The following RPL28 variants were observed in gnomAD, a reference collection of about 807,000 sequenced individuals.
RPL28 encodes the protein ribosomal protein L28.
Under a neutral mutation model 12.5 loss-of-function variants are expected in RPL28, and 4 were observed. The ratio of observed to expected loss-of-function variants is 0.32; its 90% CI spans 0.16 to 0.73. The LOEUF (loss-of-function observed/expected upper bound fraction) is 0.73, where lower values mean the gene tolerates loss of function less well. Ranked by LOEUF, RPL28 falls within the 30% of genes least tolerant of loss-of-function variation. The pLI, the probability that RPL28 is intolerant of heterozygous loss-of-function variation, is 0.66. For synonymous variants in RPL28, 91 were observed against 72.5 expected, an observed-to-expected ratio of 1.26 and a Z score of -1.30; for missense variants, 214 against 197.7, an observed-to-expected ratio of 1.08 and a Z score of -0.49.
At chr19:55,399,797 T>TA (rs1280364094) in intron 4 of RPL28, 1 of 152,228 alleles carries the variant, frequency 6.6e-6, no homozygotes, top group African/African-American at 2.4e-5. Context: ...TTCAGTGGGT[T>TA]CCGAGGCCCA....
chr19:55,401,819 C>T (rs1169365206), intron 4 of RPL28: 2 of 1,592,354 alleles, frequency 1.3e-6, no homozygotes, highest in South Asian at 1.1e-5. Context: ...GACCCCCAGG[C>T]CTCCACAAGA....
In RPL28 at chr19:55,389,409, G is replaced by A. The variant is rs1027942545; in HGVS notation, c.*1077G>A. 1 of 985,346 alleles carries A rather than the reference G, an allele frequency of 1.0e-6. No homozygotes were observed. Among genetic ancestry groups the A allele is most frequent in the Non-Finnish European group, 1.2e-6 (1 of 829,932 alleles). 61.0% of individuals were successfully genotyped at this position (985,346 alleles called of 1,614,324 possible). A position where few individuals can be genotyped will look rare whatever the true frequency, so the allele number is the denominator to read the frequency against. On this transcript the variant is annotated 3_prime_UTR_variant, in exon 5 of 5. Coordinates refer to ENST00000344063, the MANE Select transcript of RPL28 (RefSeq NM_000991.5). ...CTGTTGATCCTCACATGTTTCCTGG[G>A]CACCTAACTCTGTCAGCCACTGCCA...
intron 3 of RPL28, chr19:55,387,343 C>G: frequency 6.4e-7 from 1 of 1,551,694 alleles, no homozygotes; most frequent in Non-Finnish European, 8.7e-7. Flanking sequence ...TCCTTTTACT[C>G]AGTGGCAGCA....
chr19:55,396,741 C>T (rs914672973), downstream of RPL28, among the ~76,000 whole-genome samples: 56 of 148,966 alleles, frequency 3.8e-4, no homozygotes, highest in Admixed American at 1.2e-3. Context: ...CCACCACGCC[C>T]GGCTAATTTT....
downstream of RPL28, among the ~76,000 whole-genome samples, chr19:55,393,999 A>C (rs760485799): frequency 8.4e-4 from 127 of 150,532 alleles, 1 homozygote; most frequent in Non-Finnish European, 1.6e-3. Context: ...ACGGTGGCTC[A>C]CTCCTGTAAT....
At chr19:55,387,763 T>C in intron 3 of RPL28, 167 bp from the exon 4 acceptor site, 1 of 1,458,954 alleles carries the variant, frequency 6.9e-7, no homozygotes, top group Non-Finnish European at 9.0e-7. Flanking sequence ...CGAGTGAGCC[T>C]CTGTGAAATG....
At chr19:55,393,255 C>T (rs868295843), downstream of RPL28, among the ~76,000 whole-genome samples, 16 of 130,668 alleles carry the variant, frequency 1.2e-4, no homozygotes, top group African/African-American at 4.0e-4. Flanking sequence ...CCCCCCCCCC[C>T]CCCCGACCCC....
chr19:55,393,244 A>ACCTTCC (rs2090002614), downstream of RPL28, among the ~76,000 whole-genome samples: 1 of 99,878 alleles, frequency 1.0e-5, no homozygotes, highest in Non-Finnish European at 1.9e-5. Flanking sequence ...TGGCCGACGC[A>ACCTTCC]CCCCCCCCCC....
intron 4 of RPL28, among the ~76,000 whole-genome samples, chr19:55,397,852 T>TG (rs1355501845): frequency 6.6e-6 from 1 of 151,926 alleles, no homozygotes; most frequent in Non-Finnish European, 1.5e-5. Context: ...GACAACATAG[T>TG]GATACCGCAT....
downstream of RPL28, among the ~76,000 whole-genome samples, chr19:55,395,910 C>A (rs985686326): frequency 6.6e-6 from 1 of 152,108 alleles, no homozygotes; most frequent in Non-Finnish European, 1.5e-5. Flanking sequence ...TATATGTATT[C>A]TTTTGCCCCC....
At position 55,388,584 on chromosome 19, in the gene RPL28, T is replaced by C; in HGVS notation, c.*252T>C. The C allele has an allele frequency of 8.0e-7, 1 of 1,247,630 alleles. No individual in the cohort carries two copies. Among genetic ancestry groups the C allele is most frequent in the African/African-American group, 1.5e-5 (1 of 64,620 alleles). 77.3% of individuals were successfully genotyped at this position (1,247,630 alleles called of 1,614,324 possible). On this transcript the variant is annotated 3_prime_UTR_variant, in exon 5 of 5. Transcript: ENST00000344063. ...TTCACAGAAAAAGTTTGCTGACTTG[T>C]GATTGAGACCTACTGTCCCATTGTG...
chr19:55,389,307 C>T lies in RPL28; in HGVS notation c.*975C>T, dbSNP rs916470711. On this transcript the variant is annotated 3_prime_UTR_variant, in exon 5 of 5. Coordinates refer to ENST00000344063, the MANE Select transcript of RPL28 (RefSeq NM_000991.5). ...CCAAGAGTATGAGGCTGCAGTGAGC[C>T]CATGAGCCCCACCACTACACTCCAG... is the stretch of plus-strand genomic sequence containing the variant. 10 of 964,588 alleles carry T rather than the reference C, an allele frequency of 1.0e-5. No individual in the cohort carries two copies. Among genetic ancestry groups the T allele is most frequent in the Non-Finnish European group, 1.2e-5 (10 of 811,112 alleles). 59.8% of individuals were successfully genotyped at this position (964,588 alleles called of 1,614,324 possible).
At chr19:55,398,173 G>A (rs1600314381) in intron 4 of RPL28, among the ~76,000 whole-genome samples, 2 of 152,058 alleles carry the variant, frequency 1.3e-5, no homozygotes, top group Admixed American at 1.3e-4. Flanking sequence ...CCCAGGCTGG[G>A]TGACACAGCG....
chr19:55,388,944 G>A lies in RPL28; in HGVS notation c.*612G>A. 1 of 985,466 alleles carries A rather than the reference G, an allele frequency of 1.0e-6. No individual in the cohort carries two copies. The highest frequency in any genetic ancestry group is 1.2e-6 in the Non-Finnish European group (1 of 829,982). 61.0% of individuals were successfully genotyped at this position (985,466 alleles called of 1,614,324 possible). On this transcript the variant is annotated 3_prime_UTR_variant, in exon 5 of 5. Coordinates refer to ENST00000344063, the MANE Select transcript of RPL28 (RefSeq NM_000991.5). ...CCAGGGTACAGCCAGCAGGCATTGA[G>A]CAGCCTTAGCATTGTCCCCCTACTC...
chr19:55,388,390 C>A lies in RPL28; in HGVS notation c.*58C>A. 7.0e-7 allele frequency: 1 copy of A among 1,430,252 alleles called. No individual in the cohort carries two copies. The allele number at this position is 1,430,252 out of a possible 1,614,324, so 88.6% of individuals were successfully genotyped here. A position where few individuals can be genotyped will look rare whatever the true frequency, so the allele number is the denominator to read the frequency against. On this transcript the variant is annotated 3_prime_UTR_variant, in exon 5 of 5. Coordinates refer to ENST00000344063, the MANE Select transcript of RPL28 (RefSeq NM_000991.5). ...GCTTTCTCACCTGCCTCGACTGGGC[C>A]TCCCTTTTTGAAACGCTCTGGGGAG...
chr19:55,397,674 G>T (rs576197285), intron 4 of RPL28, among the ~76,000 whole-genome samples: 1 of 151,438 alleles, frequency 6.6e-6, no homozygotes, highest in Non-Finnish European at 1.5e-5. Flanking sequence ...CACCGCGCCC[G>T]GCCAGGACAA....
chr19:55,393,698 C>T (rs1216692322), downstream of RPL28, among the ~76,000 whole-genome samples: 1 of 146,190 alleles, frequency 6.8e-6, no homozygotes, highest in Non-Finnish European at 1.5e-5. Flanking sequence ...AATGGCATGA[C>T]CTTGGCTCAC....
intron 4 of RPL28, among the ~76,000 whole-genome samples, chr19:55,398,424 A>T (rs12977195): frequency 0.099 from 15,072 of 152,218 alleles, 1,164 homozygotes; most frequent in African/African-American, 0.2. Flanking sequence ...TCACTGTTCC[A>T]ACTGGAGTCT....
downstream of RPL28, chr19:55,403,287 G>T: frequency 1.8e-6 from 1 of 570,128 alleles, no homozygotes; most frequent in South Asian, 2.3e-5. Context: ...CTCAGCTTTA[G>T]CAAAAAAGCC....
Sources: allele counts gnomAD v4.1 joint callset (sites outside exome capture counted in the v4.1 genomes callset), GRCh38; gene constraint gnomAD v4.1.1; transcripts MANE v1.5; gene names NCBI Gene and HGNC (gene_info 2026-07-23, HGNC 2026-07-21).